The following NTNG2 variants were observed in gnomAD, a reference collection of about 807,000 sequenced individuals.
The protein encoded by NTNG2 is netrin G2.
Under a neutral mutation model 47.6 loss-of-function variants are expected in NTNG2, and 15 were observed. The ratio of observed to expected loss-of-function variants is 0.32; its 90% CI spans 0.21 to 0.49. The LOEUF is 0.49. NTNG2 is among the 20% of genes least tolerant of loss of function. NTNG2 has a pLI of 0.99. For synonymous variants in NTNG2, 307 were observed against 324.6 expected, an observed-to-expected ratio of 0.95 and a Z score of 0.58; for missense variants, 578 against 764.6, an observed-to-expected ratio of 0.76 and a Z score of 2.88.
chr9:132,237,848 C>T (rs148325876), intron 5 of NTNG2, among the ~76,000 whole-genome samples: 5 of 152,342 alleles, frequency 3.3e-5, no homozygotes, highest in South Asian at 4.1e-4. Flanking sequence ...CTGGGACACA[C>T]GGGTCACCGA....
rs1336062821 is a variant in NTNG2, at chr9:132,200,150, T to TA, written c.857+1549dup. Reference sequence around the variant, plus strand: ...ACAGTGCCTGGCACATAATACGCACTAAAAAAAAGTGTTTAATAAAAAAAT... The same window carrying TA: ...ACAGTGCCTGGCACATAATACGCACTAAAAAAAAAGTGTTTAATAAAAAAAT... On this transcript the variant is annotated intron_variant, in intron 3 of 7. Transcript: ENST00000393229. 5.9e-5 allele frequency among the ~76,000 whole-genome samples: 9 copies of TA among 151,996 alleles called. No homozygotes were observed. The East Asian group carries it at 7.7e-4, about 13-fold the overall frequency.
At chr9:132,168,888 G>A (rs1784715155) in intron 2 of NTNG2, among the ~76,000 whole-genome samples, 1 of 152,188 alleles carries the variant, frequency 6.6e-6, no homozygotes. Context: ...GGCTTGAGGT[G>A]GGGAGATGAC....
rs1841193351 is a variant in NTNG2 at position 132,231,229 on chromosome 9, T to C, written c.1054+634T>C. 2.3e-6 allele frequency: 1 copy of C among 444,316 alleles called. No homozygotes were observed. Among genetic ancestry groups the C allele is most frequent in the East Asian group, 7.2e-5 (1 of 13,940 alleles). The allele number at this position is 444,316 out of a possible 1,614,324, so 27.5% of individuals were successfully genotyped here. The stretch of plus-strand genomic sequence containing the variant: ...AGGGCGACATGGCGCCCACAGGTTA[T>C]CAGTAAATGTCATCGAGACTGTCCC... On this transcript the variant is annotated intron_variant, in intron 5 of 7. Coordinates refer to ENST00000393229, the MANE Select transcript of NTNG2 (RefSeq NM_032536.4). This position sits in a 1 kb window ranked among gnomAD's most constrained non-coding sequence, Gnocchi z 4.1.
intron 2 of NTNG2, among the ~76,000 whole-genome samples, chr9:132,170,865 C>T (rs1330463014): frequency 1.3e-5 from 2 of 152,226 alleles, no homozygotes; most frequent in Non-Finnish European, 2.9e-5. Context: ...GAGCCAGACT[C>T]TGCCTTTTAA....
rs553530788 is a variant in NTNG2, at chr9:132,204,989, A to T, written c.857+6380A>T. Among the ~76,000 whole-genome samples the T allele has an allele frequency of 1.8e-3, 268 of 152,334 alleles. 2 individuals are homozygous for T. The highest frequency in any genetic ancestry group is 3.4e-3 in the Non-Finnish European group (229 of 68,024). ...CAAAAAATAACAAGTGTTGGCAAGGATGTGGAAAAATCGGAACCTTCATGC... is the reference window on the plus strand; with the variant it reads ...CAAAAAATAACAAGTGTTGGCAAGGTTGTGGAAAAATCGGAACCTTCATGC... On this transcript the variant is annotated intron_variant, in intron 3 of 7. Transcript: ENST00000393229.
intron 5 of NTNG2, among the ~76,000 whole-genome samples, chr9:132,237,001 G>A (rs895291964): frequency 3.9e-5 from 6 of 152,192 alleles, no homozygotes; most frequent in East Asian, 1.9e-4. Context: ...TTGGAGAGGC[G>A]GTGGGGAGAG....
At chr9:132,238,140 G>T (rs1177237144) in intron 5 of NTNG2, among the ~76,000 whole-genome samples, 1 of 150,496 alleles carries the variant, frequency 6.6e-6, no homozygotes, top group African/African-American at 2.4e-5. Context: ...TCTTGCTGGA[G>T]GGTGGGTGGG....
Position 132,231,634 on chromosome 9 carries a change from T to C in NTNG2, c.1054+1039T>C. 1 of 264,654 alleles carries C rather than the reference T, an allele frequency of 3.8e-6. No individual in the cohort carries two copies. Among genetic ancestry groups the C allele is most frequent in the Non-Finnish European group, 7.5e-6 (1 of 132,768 alleles). 16.4% of individuals were successfully genotyped at this position (264,654 alleles called of 1,614,324 possible). On this transcript the variant is annotated intron_variant, in intron 5 of 7. Coordinates refer to ENST00000393229, the MANE Select transcript of NTNG2 (RefSeq NM_032536.4). The surrounding 1 kb of genome is among the most constrained non-coding windows in gnomAD (Gnocchi z 4.1). ...CCAACCCTCTCTTGCTTTTCCCATC[T>C]CTCACCAGGCATCAGCAGGTCCCAG... is the stretch of plus-strand genomic sequence containing the variant.
intron 3 of NTNG2, among the ~76,000 whole-genome samples, chr9:132,203,181 A>T (rs1189902824): frequency 1.3e-5 from 2 of 151,908 alleles, no homozygotes; most frequent in Non-Finnish European, 1.5e-5. Context: ...CTGGAAACAC[A>T]ACTTACGTGG....
At chr9:132,223,350 G>T (rs1445443931) in intron 3 of NTNG2, among the ~76,000 whole-genome samples, 1 of 152,148 alleles carries the variant, frequency 6.6e-6, no homozygotes, top group Non-Finnish European at 1.5e-5. Flanking sequence ...ACTCAGACAG[G>T]GACAGAGGCG....
rs146697985 is a variant in NTNG2 at position 132,226,079 on chromosome 9, G to A, written c.858-770G>A. Among the ~76,000 whole-genome samples the A allele has an allele frequency of 1.0e-3, 157 of 152,184 alleles. 3 individuals carry two copies. In the South Asian group the frequency reaches 0.018, roughly 18 times the overall value. Reference sequence around the variant, plus strand: ...TCAGTGGGAAGTTCTGGGCTGGTGCGGCTCAGTGCCTGGAGCTATGCATTC... The same window carrying A: ...TCAGTGGGAAGTTCTGGGCTGGTGCAGCTCAGTGCCTGGAGCTATGCATTC... On this transcript the variant is annotated intron_variant, in intron 3 of 7. Transcript: ENST00000393229. The surrounding 1 kb of genome is among the most constrained non-coding windows in gnomAD (Gnocchi z 4.8).
At chr9:132,228,558 C>CTTTT (rs56250915) in intron 4 of NTNG2, among the ~76,000 whole-genome samples, 1 of 145,216 alleles carries the variant, frequency 6.9e-6, no homozygotes, top group African/African-American at 2.5e-5. Flanking sequence ...TCACACCCTC[C>CTTTT]TTTTTTTTTT....
rs1247026951 is a variant in NTNG2 at position 132,162,569 on chromosome 9, A to AGAGTGTGTGTGTGTGT, written c.-484+331_-484+332insAGTGTGTGTGTGTGTG. 2.7e-5 allele frequency among the ~76,000 whole-genome samples: 3 copies of AGAGTGTGTGTGTGTGT among 112,404 alleles called. 1 individual carries two copies. The East Asian group carries it at 7.7e-4, about 29-fold the overall frequency. The allele number at this position is 112,404 out of a possible 152,430, so 73.7% of individuals were successfully genotyped here. ...GTGTGTGTGTGTGAGAGAGAGACAG[A>AGAGTGTGTGTGTGTGT]GTGTGTGTGTGTGTGTGTGTGTGTG... On this transcript the variant is annotated intron_variant, in intron 1 of 7. Coordinates refer to ENST00000393229, the MANE Select transcript of NTNG2 (RefSeq NM_032536.4). This position sits in a 1 kb window ranked among gnomAD's most constrained non-coding sequence, Gnocchi z 4.6.
intron 3 of NTNG2, among the ~76,000 whole-genome samples, chr9:132,210,506 G>T (rs1198056125): frequency 6.6e-6 from 1 of 152,232 alleles, no homozygotes; most frequent in African/African-American, 2.4e-5. Context: ...TTCATAGTAG[G>T]TATAGCCAAA....
intron 3 of NTNG2, among the ~76,000 whole-genome samples, chr9:132,214,977 A>C (rs2130854450): frequency 6.6e-6 from 1 of 152,018 alleles, no homozygotes; most frequent in African/African-American, 2.4e-5. Flanking sequence ...CCTGGACTCA[A>C]GCGATCCTCC....
chr9:132,230,524 G>A lies in NTNG2; in HGVS notation c.1031-48G>A, dbSNP rs1313535440. On this transcript the variant is annotated intron_variant, in intron 4 of 7. Transcript: ENST00000393229. Reference sequence around the variant, plus strand: ...CCCCTCTGCAGGGAGGTGACACCCAGGCCCCTTCCCCTGGGGCAGCCAGCT... The same window carrying A: ...CCCCTCTGCAGGGAGGTGACACCCAAGCCCCTTCCCCTGGGGCAGCCAGCT... 4.5e-6 allele frequency: 7 copies of A among 1,572,036 alleles called. No homozygotes were observed. The Admixed American group carries it at 9.0e-5, about 20-fold the overall frequency.
intron 3 of NTNG2, among the ~76,000 whole-genome samples, chr9:132,201,841 C>A (rs1838777767): frequency 6.6e-6 from 1 of 152,222 alleles, no homozygotes; most frequent in South Asian, 2.1e-4. Context: ...AGACACGGCA[C>A]TGAGCAAGCC....
At chr9:132,172,111 G>A (rs562738485) in intron 2 of NTNG2, among the ~76,000 whole-genome samples, 39 of 152,204 alleles carry the variant, frequency 2.6e-4, no homozygotes, top group Non-Finnish European at 5.1e-4. Context: ...TGAACTCTCC[G>A]GGCGCTCCAG....
chr9:132,234,459 C>G (rs1298343895), intron 5 of NTNG2, among the ~76,000 whole-genome samples: 1 of 152,314 alleles, frequency 6.6e-6, no homozygotes, highest in Admixed American at 6.5e-5. Flanking sequence ...TGAGTGTGTC[C>G]CTGGGCAGCC....
Sources: allele counts gnomAD v4.1 joint callset (sites outside exome capture counted in the v4.1 genomes callset), GRCh38; gene constraint gnomAD v4.1.1; non-coding constraint Gnocchi (gnomAD v3.1); transcripts MANE v1.5; gene names NCBI Gene and HGNC (gene_info 2026-07-23, HGNC 2026-07-21).